The following KREMEN1 variants were observed in gnomAD, a reference collection of about 807,000 sequenced individuals.
KREMEN1 encodes the protein kremen protein 1.
A neutral mutation model predicts 46.5 loss-of-function variants in KREMEN1; 30 were observed. The observed-to-expected ratio is 0.65, with a 90% CI of 0.48 to 0.88. The LOEUF (loss-of-function observed/expected upper bound fraction) is 0.88. Among genes scored for constraint, KREMEN1 ranks in the 40% least tolerant of loss-of-function variants. The pLI is 0.00. For missense variants in KREMEN1, 533 were observed against 596.9 expected, an observed-to-expected ratio of 0.89 and a Z score of 1.11; for synonymous variants, 214 against 230.6, an observed-to-expected ratio of 0.93 and a Z score of 0.65.
intron 7 of KREMEN1, 33 bp from the exon 8 acceptor site, chr22:29,140,249 A>G: frequency 6.3e-7 from 1 of 1,578,152 alleles, no homozygotes. Flanking sequence ...AACCATAAAC[A>G]AGTCTGGTAA....
intron 4 of KREMEN1, among the ~76,000 whole-genome samples, chr22:29,123,779 G>A (rs1397819305): frequency 6.6e-6 from 1 of 152,176 alleles, no homozygotes; most frequent in Non-Finnish European, 1.5e-5. Flanking sequence ...GACAGAGTGA[G>A]ACTCTATCTG....
rs749155972 is a variant in KREMEN1 at position 29,138,807 on chromosome 22, T to C, written c.1123+25T>C. The C allele has an allele frequency of 8.7e-6, 14 of 1,614,008 alleles. No homozygotes were observed. In the African/African-American group the frequency reaches 1.9e-4, roughly 22 times the overall value. On this transcript the variant is annotated intron_variant, in intron 7 of 8. Coordinates refer to ENST00000400335, the MANE Select transcript of KREMEN1 (RefSeq NM_001039570.3). ...GGTAGCAATTCCTGGGCGCCACCCA[T>C]GGGGGCTGGAAGCCACAGAGTTGAA...
intron 2 of KREMEN1, among the ~76,000 whole-genome samples, chr22:29,095,943 A>G (rs981304374): frequency 9.9e-5 from 15 of 151,954 alleles, no homozygotes; most frequent in African/African-American, 1.7e-4. Flanking sequence ...CATTTTACCT[A>G]TTTTCCCTGA....
chr22:29,106,419 C>T (rs1195109073), intron 3 of KREMEN1, among the ~76,000 whole-genome samples: 2 of 150,506 alleles, frequency 1.3e-5, no homozygotes, highest in African/African-American at 2.4e-5. Context: ...TTAATAGAGA[C>T]GGGGTTTCAC....
rs1034383782 is a variant in KREMEN1 at position 29,144,193 on chromosome 22, C to G, written c.*2081C>G. 1.0e-6 allele frequency: 1 copy of G among 985,634 alleles called. No individual in the cohort carries two copies. The highest frequency in any genetic ancestry group is 1.1e-4 in the East Asian group (1 of 8,824). 61.1% of individuals were successfully genotyped at this position (985,634 alleles called of 1,614,324 possible). A position where few individuals can be genotyped will look rare whatever the true frequency, so the allele number is the denominator to read the frequency against. On this transcript the variant is annotated 3_prime_UTR_variant, in exon 9 of 9. Coordinates refer to ENST00000400335, the MANE Select transcript of KREMEN1 (RefSeq NM_001039570.3). Reference sequence around the variant, plus strand: ...TCTTTGCAGCACTTTGCCTACCTCCCCCAAGCCCTGAGCCACTGCCTGCTG... The same window carrying G: ...TCTTTGCAGCACTTTGCCTACCTCCGCCAAGCCCTGAGCCACTGCCTGCTG...
In KREMEN1 at chr22:29,144,703, G is replaced by A; in HGVS notation, c.*2591G>A. On this transcript the variant is annotated 3_prime_UTR_variant, in exon 9 of 9. Transcript: ENST00000400335. ...AAGGGAATGTGGCACGTGGCCCCAG[G>A]AAGAGTTCACCCGGCCAGGGGGCAG... is the stretch of plus-strand genomic sequence containing the variant. 1.0e-6 allele frequency: 1 copy of A among 985,528 alleles called. No individual in the cohort carries two copies. 61.0% of individuals were successfully genotyped at this position (985,528 alleles called of 1,614,324 possible). A position where few individuals can be genotyped will look rare whatever the true frequency, so the allele number is the denominator to read the frequency against.
At chr22:29,113,879 C>G (rs1460578420) in intron 3 of KREMEN1, among the ~76,000 whole-genome samples, 1 of 152,120 alleles carries the variant, frequency 6.6e-6, no homozygotes, top group Non-Finnish European at 1.5e-5. Context: ...CTTATAAGCT[C>G]CACACTTTTG....
Position 29,120,364 on chromosome 22 carries a change from T to G in KREMEN1, c.353-993T>G, listed in dbSNP as rs112928788. 2.9e-3 allele frequency among the ~76,000 whole-genome samples: 147 copies of G among 51,326 alleles called. 3 individuals are homozygous for G. Among genetic ancestry groups the G allele is most frequent in the East Asian group, 8.1e-3 (7 of 864 alleles). 33.7% of individuals were successfully genotyped at this position (51,326 alleles called of 152,430 possible). On this transcript the variant is annotated intron_variant, in intron 3 of 8. Transcript: ENST00000400335. Reference sequence around the variant, plus strand: ...GAGGAGGGAGAGGTGATGAAGGAAATGGAGGAGGGAGAGGTGATAATGGAA... The same window carrying G: ...GAGGAGGGAGAGGTGATGAAGGAAAGGGAGGAGGGAGAGGTGATAATGGAA...
intron 1 of KREMEN1, among the ~76,000 whole-genome samples, chr22:29,075,074 TA>T (rs2037545565): frequency 6.6e-6 from 1 of 152,324 alleles, no homozygotes; most frequent in African/African-American, 2.4e-5. Context: ...CCAAGTGTTG[TA>T]AACCTGAGGC....
Position 29,073,305 on chromosome 22 carries a change from G to T in KREMEN1, c.97+78G>T. 1 of 499,656 alleles carries T rather than the reference G, an allele frequency of 2.0e-6. No homozygotes were observed. The highest frequency in any genetic ancestry group is 2.1e-5 in the African/African-American group (1 of 48,392). The allele number at this position is 499,656 out of a possible 1,614,324, so 31.0% of individuals were successfully genotyped here. On this transcript the variant is annotated intron_variant, in intron 1 of 8. Coordinates refer to ENST00000400335, the MANE Select transcript of KREMEN1 (RefSeq NM_001039570.3). This position sits in a 1 kb window ranked among gnomAD's most constrained non-coding sequence, Gnocchi z 4.4. ...GCGACAAGGGCCGGCCGGCCTGAGA[G>T]CCCCCTCCCTCCCGCTTCAGGACCT...
downstream of KREMEN1, among the ~76,000 whole-genome samples, chr22:29,148,460 T>G (rs2038889047): frequency 7.2e-6 from 1 of 139,000 alleles, no homozygotes; most frequent in Admixed American, 7.1e-5. Context: ...GTTTTTTTTG[T>G]TTTTTTTTTT....
At chr22:29,098,758 A>G (rs1481994848) in intron 2 of KREMEN1, 104 bp from the exon 3 acceptor site, 10 of 851,606 alleles carry the variant, frequency 1.2e-5, no homozygotes, top group Non-Finnish European at 2.0e-5. Flanking sequence ...ACTATTAGAA[A>G]TAATACAGAA....
chr22:29,159,159 T>G (rs1476754474), intron 9 of KREMEN1, among the ~76,000 whole-genome samples: 1 of 135,830 alleles, frequency 7.4e-6, no homozygotes, highest in Admixed American at 8.1e-5. Context: ...AGAGACAGGA[T>G]CTCACTTCGT....
At chr22:29,131,424 C>CT (rs1006431006) in intron 5 of KREMEN1, among the ~76,000 whole-genome samples, 74 of 140,366 alleles carry the variant, frequency 5.3e-4, no homozygotes, top group African/African-American at 9.8e-4. Context: ...GAGATTAGGA[C>CT]TTTTTTTTTT....
At chr22:29,156,624 C>T (rs2038964892) in intron 9 of KREMEN1, among the ~76,000 whole-genome samples, 1 of 152,124 alleles carries the variant, frequency 6.6e-6, no homozygotes, top group Admixed American at 6.5e-5. Flanking sequence ...TACTAGGAAC[C>T]CACCCCTAAG....
chr22:29,088,531 T>C (rs566194499), intron 1 of KREMEN1, among the ~76,000 whole-genome samples: 5 of 152,270 alleles, frequency 3.3e-5, no homozygotes, highest in South Asian at 4.1e-4. Context: ...GGTTTCGCCA[T>C]GTTGCCCAGG....
chr22:29,150,231 G>T (rs908350183), downstream of KREMEN1, among the ~76,000 whole-genome samples: 2 of 151,744 alleles, frequency 1.3e-5, no homozygotes, highest in African/African-American at 4.8e-5. Flanking sequence ...TGGGGGGGGG[G>T]GCAGTGCCTG....
At position 29,143,553 on chromosome 22, in the gene KREMEN1, T is replaced by A; in HGVS notation, c.*1441T>A. 1 of 807,058 alleles carries A rather than the reference T, an allele frequency of 1.2e-6. No individual in the cohort carries two copies. The highest frequency in any genetic ancestry group is 1.5e-6 in the Non-Finnish European group (1 of 667,536). The allele number at this position is 807,058 out of a possible 1,614,324, so 50.0% of individuals were successfully genotyped here. ...GTCAGGTGATCGAAACCATCCTGGC[T>A]AAGATGGTGAAACCCCGTCTCTACT... On this transcript the variant is annotated 3_prime_UTR_variant, in exon 9 of 9. Coordinates refer to ENST00000400335, the MANE Select transcript of KREMEN1 (RefSeq NM_001039570.3).
chr22:29,166,300 C>A (rs1017241530), intron 9 of KREMEN1, among the ~76,000 whole-genome samples: 4 of 151,600 alleles, frequency 2.6e-5, no homozygotes, highest in Non-Finnish European at 4.4e-5. Flanking sequence ...GCAAAGGACA[C>A]AGGGCATGGA....
Sources: allele counts gnomAD v4.1 joint callset (sites outside exome capture counted in the v4.1 genomes callset), GRCh38; gene constraint gnomAD v4.1.1; non-coding constraint Gnocchi (gnomAD v3.1); transcripts MANE v1.5; gene names NCBI Gene and HGNC (gene_info 2026-07-23, HGNC 2026-07-21).